Variants in ANKS1B observed in about 807,000 individuals in gnomAD.
The protein encoded by ANKS1B is ankyrin repeat and sterile alpha motif domain-containing protein 1B.
A neutral mutation model predicts 148.3 loss-of-function variants in ANKS1B; 36 were observed. That is an observed-to-expected ratio of 0.24 (90% CI 0.19 to 0.32). The LOEUF (loss-of-function observed/expected upper bound fraction) is 0.32, where lower values mean the gene tolerates loss of function less well. Among genes scored for constraint, ANKS1B ranks in the 10% least tolerant of loss-of-function variants. The pLI, the probability that ANKS1B is intolerant of heterozygous loss-of-function variation, is 1.00. For missense variants in ANKS1B, 1,157 were observed against 1,542.6 expected (o/e 0.75, Z 4.19); for synonymous variants, 542 against 560.8 (o/e 0.97, Z 0.47).
At chr12:98,982,472 C>T (rs1337368052) in intron 17 of ANKS1B, among the ~76,000 whole-genome samples, 4 of 152,018 alleles carry the variant, frequency 2.6e-5, no homozygotes, top group Admixed American at 2.6e-4. Context: ...CCTCCTGATC[C>T]CTTCCCTCCC....
At chr12:99,319,244 T>A (rs1410024015) in intron 12 of ANKS1B, among the ~76,000 whole-genome samples, 1 of 152,106 alleles carries the variant, frequency 6.6e-6, no homozygotes. Context: ...CTTTCTGTCT[T>A]GTTGATCTGT....
intron 12 of ANKS1B, among the ~76,000 whole-genome samples, 160 bp downstream of exon 12, chr12:99,399,471 A>G (rs1593991124): frequency 6.6e-6 from 1 of 152,276 alleles, no homozygotes. Flanking sequence ...AAAGAATATT[A>G]CAGCCACACT....
At chr12:99,091,699 TAGC>T (rs1329439168) in intron 15 of ANKS1B, among the ~76,000 whole-genome samples, 1 of 152,236 alleles carries the variant, frequency 6.6e-6, no homozygotes, top group Non-Finnish European at 1.5e-5. Context: ...TTCACACTGA[TAGC>T]AGTTGGTGTT....
intron 9 of ANKS1B, among the ~76,000 whole-genome samples, chr12:99,597,582 G>A (rs1425798129): frequency 6.6e-6 from 1 of 152,004 alleles, no homozygotes; most frequent in Non-Finnish European, 1.5e-5. Flanking sequence ...TCAGGGAAAA[G>A]AAATGAACAT....
At chr12:99,625,747 GAAGTA>G (rs1334845574) in intron 9 of ANKS1B, among the ~76,000 whole-genome samples, 1 of 152,114 alleles carries the variant, frequency 6.6e-6, no homozygotes, top group African/African-American at 2.4e-5. Context: ...AAAAAGTCAA[GAAGTA>G]AAGAAAACGT....
At chr12:99,543,212 A>G (rs11109910) in intron 9 of ANKS1B, among the ~76,000 whole-genome samples, 37,790 of 151,990 alleles carry the variant, frequency 0.25, 4,851 homozygotes, top group African/African-American at 0.31. Context: ...GCCAATAAGC[A>G]CATAAAAATA....
At chr12:99,360,452 A>G (rs1259380990) in intron 12 of ANKS1B, among the ~76,000 whole-genome samples, 1 of 152,156 alleles carries the variant, frequency 6.6e-6, no homozygotes, top group Non-Finnish European at 1.5e-5. Flanking sequence ...TGATTTGTTC[A>G]CAACTATTCA....
chr12:99,135,466 A>T (rs1483894939), intron 15 of ANKS1B, among the ~76,000 whole-genome samples: 3 of 152,266 alleles, frequency 2.0e-5, no homozygotes, highest in African/African-American at 7.2e-5. Flanking sequence ...TCTTAGTGAC[A>T]CATCAGGACA....
Position 98,884,380 on chromosome 12 carries a change from T to C in ANKS1B, c.2779-52244A>G, listed in dbSNP as rs1325376043. Among the ~76,000 whole-genome samples, 10 of 152,274 alleles carry C rather than the reference T, an allele frequency of 6.6e-5. 1 individual carries two copies. The highest frequency in any genetic ancestry group is 6.5e-4 in the Admixed American group (10 of 15,292). ...ATTTGTTGGATTAAGAAAAGTTTAC[T>C]CTGAGCCTAAAGAGTTCATACATAT... is the stretch of plus-strand genomic sequence containing the variant. On this transcript the variant is annotated intron_variant, in intron 17 of 26. Coordinates refer to ENST00000683438, the MANE Select transcript of ANKS1B (RefSeq NM_001352186.2).
At chr12:99,815,549 A>T (rs1450528185) in intron 2 of ANKS1B, among the ~76,000 whole-genome samples, 1 of 151,556 alleles carries the variant, frequency 6.6e-6, no homozygotes, top group Non-Finnish European at 1.5e-5. Flanking sequence ...ATGGATGGGT[A>T]ACACTTTAGT....
chr12:99,407,001 G>A (rs1294253604), intron 11 of ANKS1B, among the ~76,000 whole-genome samples: 1 of 145,674 alleles, frequency 6.9e-6, no homozygotes, highest in Non-Finnish European at 1.5e-5. Context: ...AAATGGAGGA[G>A]GAGGAAATAC....
intron 11 of ANKS1B, among the ~76,000 whole-genome samples, chr12:99,415,836 A>C (rs1327423496): frequency 6.6e-6 from 1 of 152,024 alleles, no homozygotes; most frequent in Admixed American, 6.5e-5. Flanking sequence ...GGCGCCCGCC[A>C]CCACGCCCGG....
intron 14 of ANKS1B, among the ~76,000 whole-genome samples, chr12:99,214,494 G>A (rs909783447): frequency 3.9e-5 from 6 of 152,102 alleles, no homozygotes; most frequent in South Asian, 2.1e-4. Context: ...TTTTATAAGG[G>A]GCAGTTCCCC....
chr12:98,772,809 T>C (rs2098605474), intron 25 of ANKS1B, among the ~76,000 whole-genome samples: 1 of 152,140 alleles, frequency 6.6e-6, no homozygotes, highest in Non-Finnish European at 1.5e-5. Flanking sequence ...TGCCGACACA[T>C]TGGTCTTACA....
At chr12:99,789,814 A>C (rs1469272397) in intron 4 of ANKS1B, among the ~76,000 whole-genome samples, 1 of 152,196 alleles carries the variant, frequency 6.6e-6, no homozygotes, top group Non-Finnish European at 1.5e-5. Flanking sequence ...CACACTGAGA[A>C]GACAAAATAA....
intron 12 of ANKS1B, among the ~76,000 whole-genome samples, chr12:99,396,548 G>A (rs966764879): frequency 6.6e-6 from 1 of 152,120 alleles, no homozygotes; most frequent in African/African-American, 2.4e-5. Flanking sequence ...TAAAAGGTTA[G>A]ATTTCAGTTC....
At chr12:99,558,490 T>G (rs2153190563) in intron 9 of ANKS1B, among the ~76,000 whole-genome samples, 1 of 151,936 alleles carries the variant, frequency 6.6e-6, no homozygotes, top group South Asian at 2.1e-4. Flanking sequence ...CATGCCTGAG[T>G]AAGTGCCAGC....
At chr12:99,481,570 T>C (rs1250262387) in intron 10 of ANKS1B, among the ~76,000 whole-genome samples, 1 of 151,898 alleles carries the variant, frequency 6.6e-6, no homozygotes, top group African/African-American at 2.4e-5. Context: ...GTAGGATTGC[T>C]GTATCCATTG....
chr12:99,313,488 C>T (rs188520271), intron 12 of ANKS1B, among the ~76,000 whole-genome samples: 110 of 152,204 alleles, frequency 7.2e-4, no homozygotes, highest in Admixed American at 4.1e-3. Flanking sequence ...AGGCCAACAT[C>T]CCTGATGAAG....
Sources: allele counts gnomAD v4.1 joint callset (sites outside exome capture counted in the v4.1 genomes callset), GRCh38; gene constraint gnomAD v4.1.1; transcripts MANE v1.5; gene names NCBI Gene and HGNC (gene_info 2026-07-23, HGNC 2026-07-21).